Variants in GFM1 observed in about 807,000 individuals in gnomAD.
GFM1 encodes the protein G elongation factor mitochondrial 1, also known as elongation factor G, mitochondrial.
In GFM1, 62 loss-of-function variants were observed where a neutral mutation model predicts 96.2. That is an observed-to-expected ratio of 0.64 (90% CI 0.53 to 0.80). GFM1 has a LOEUF of 0.80. GFM1 is among the 30% of genes least tolerant of loss of function. The pLI, the probability that GFM1 is intolerant of heterozygous loss-of-function variation, is 0.00. For synonymous variants in GFM1, 282 were observed against 312.9 expected (o/e 0.90, Z 1.04); for missense variants, 852 against 916.6 (o/e 0.93, Z 0.91).
intron 8 of GFM1, chr3:158,656,109 A>T (rs2108027656): frequency 3.6e-6 from 1 of 279,772 alleles, no homozygotes; most frequent in African/African-American, 2.2e-5. Flanking sequence ...TATCCAAGGT[A>T]CAGACTTGCA....
At chr3:158,672,656 G>C in intron 13 of GFM1, 1 of 661,504 alleles carries the variant, frequency 1.5e-6, no homozygotes, top group South Asian at 1.8e-5. Flanking sequence ...TTTGGGCCCA[G>C]GCTCCCTGCA....
intron 8 of GFM1, among the ~76,000 whole-genome samples, chr3:158,655,172 A>G (rs1722639890): frequency 1.3e-5 from 2 of 152,184 alleles, no homozygotes; most frequent in African/African-American, 4.8e-5. Flanking sequence ...ATGCCCAGCC[A>G]GTCGCAGTGG....
Position 158,684,663 on chromosome 3 carries a change from A to G in GFM1, c.1904A>G (p.Lys635Arg). 6.2e-7 allele frequency: 1 copy of G among 1,614,066 alleles called. No homozygotes were observed. Among genetic ancestry groups the G allele is most frequent in the Non-Finnish European group, 8.5e-7 (1 of 1,179,966 alleles). The change falls in exon 15 of 18, where the codon AAA (lysine) becomes AGA (arginine). Residue 635 changes from lysine (K) to arginine (R), a missense_variant. Transcript: ENST00000486715. ...ATCCGAGCAGGAGAAGGTGCTCTTAAACAAGGTATGCTGGGTCCGGGCACC... is the reference window on the plus strand; with the variant it reads ...ATCCGAGCAGGAGAAGGTGCTCTTAGACAAGGTATGCTGGGTCCGGGCACC... The part of the protein sequence containing the change: ...SFIRAGEGAL[K>R]QALANATLCI...
At position 158,660,917 on chromosome 3, in the gene GFM1, G is replaced by T. The variant is rs761644418; in HGVS notation, c.1265G>T (p.Gly422Val). ...VYAGDICALFGIDCASGDTFT... is the reference protein window; with the variant it reads ...VYAGDICALFVIDCASGDTFT... ...GCCGGAGACATCTGTGCATTGTTTG[G>T]CATTGACTGTGCTAGTGGAGACACA... Residue 422 changes from glycine (G) to valine (V), a missense_variant, in exon 10 of 18, where the codon GGC becomes GTC. Physicochemically the swap from Gly to Val is moderately radical, Grantham distance 109 (BLOSUM62 -3). Transcript: ENST00000486715. 2.5e-6 allele frequency: 4 copies of T among 1,613,876 alleles called. No individual in the cohort carries two copies. In the African/African-American group the frequency reaches 5.3e-5, roughly 22 times the overall value.
Position 158,682,078 on chromosome 3 carries a change from A to G in GFM1, c.1685A>G (p.Glu562Gly). The G allele has an allele frequency of 6.2e-7, 1 of 1,613,580 alleles. No individual in the cohort carries two copies. Among genetic ancestry groups the G allele is most frequent in the Non-Finnish European group, 8.5e-7 (1 of 1,179,598 alleles). ...GGTGTCCTGGAGCCTCTGGACCCAGAGGACTACACTAAATTGGAATTTTCA... is the reference window on the plus strand; with the variant it reads ...GGTGTCCTGGAGCCTCTGGACCCAGGGGACTACACTAAATTGGAATTTTCA... ...VIGVLEPLDP[E>G]DYTKLEFSDE... The change falls in exon 14 of 18, where the codon GAG becomes GGG. Residue 562 changes from glutamate (E) to glycine (G), a missense_variant. By Grantham distance (98) the Glu-to-Gly change is moderately conservative. Coordinates refer to ENST00000486715, the MANE Select transcript of GFM1 (RefSeq NM_024996.7).
At chr3:158,662,141 T>G (rs1723247175) in intron 10 of GFM1, among the ~76,000 whole-genome samples, 1 of 152,166 alleles carries the variant, frequency 6.6e-6, no homozygotes, top group Non-Finnish European at 1.5e-5. Flanking sequence ...TTCCAAGCCT[T>G]TAGTGACTGC....
intron 5 of GFM1, among the ~76,000 whole-genome samples, chr3:158,651,316 T>C (rs1420671969): frequency 1.3e-5 from 2 of 152,186 alleles, no homozygotes; most frequent in Admixed American, 1.3e-4. Context: ...GAGATTGTTA[T>C]GTTGTGATTA....
At chr3:158,672,911 A>C (rs1724496895) in intron 13 of GFM1, among the ~76,000 whole-genome samples, 1 of 152,164 alleles carries the variant, frequency 6.6e-6, no homozygotes. Flanking sequence ...TGAAGACTCT[A>C]GTTTCCTGTC....
At chr3:158,681,951 T>G (rs1238341215) in intron 13 of GFM1, 44 bp from the exon 14 acceptor site, 1 of 1,497,416 alleles carries the variant, frequency 6.7e-7, no homozygotes, top group African/African-American at 1.5e-5. Flanking sequence ...TTTTATTTTG[T>G]AATTACATAA....
At chr3:158,644,996 T>A in intron 1 of GFM1, 1 of 416,614 alleles carries the variant, frequency 2.4e-6, no homozygotes, top group East Asian at 4.2e-5. Context: ...TTTTTTTTTT[T>A]TTGCCTCTCT....
chr3:158,659,139 T>G, intron 9 of GFM1, 80 bp downstream of exon 9: 1 of 1,477,012 alleles, frequency 6.8e-7, no homozygotes, highest in Non-Finnish European at 9.4e-7. Context: ...TGAGCCCCAC[T>G]AGAAAATTAA....
intron 13 of GFM1, chr3:158,670,829 G>C (rs1167673177): frequency 2.4e-6 from 3 of 1,247,062 alleles, no homozygotes; most frequent in African/African-American, 1.6e-5. Flanking sequence ...GCTATTTGGG[G>C]AGGCTGAGGT....
intron 5 of GFM1, among the ~76,000 whole-genome samples, chr3:158,651,437 T>G (rs1357427255): frequency 6.6e-6 from 1 of 151,818 alleles, no homozygotes; most frequent in East Asian, 1.9e-4. Flanking sequence ...CAAATTACTT[T>G]GCCTGTGTAA....
intron 5 of GFM1, chr3:158,650,103 C>CT (rs757178755): frequency 1.4e-6 from 2 of 1,455,120 alleles, no homozygotes; most frequent in South Asian, 2.4e-5. Flanking sequence ...TAGAATTTAT[C>CT]TTCATCAGCC....
At chr3:158,666,082 A>G (rs1723648175) in intron 12 of GFM1, among the ~76,000 whole-genome samples, 1 of 152,182 alleles carries the variant, frequency 6.6e-6, no homozygotes, top group Non-Finnish European at 1.5e-5. Flanking sequence ...TTGGAGGTAA[A>G]TATAAATTAA....
rs564879457 is a variant in GFM1 at position 158,644,569 on chromosome 3, C to T, written c.-66C>T. On this transcript the variant is annotated 5_prime_UTR_variant, in exon 1 of 18. Coordinates refer to ENST00000486715, the MANE Select transcript of GFM1 (RefSeq NM_024996.7). ...TGCCGGCGTGACTTTGACCGCTTCC[C>T]GGTGCGTTACCGGCAGCTGAACCCA... The T allele has an allele frequency of 2.5e-4, 337 of 1,346,208 alleles. 1 individual carries two copies. In the South Asian group the frequency reaches 2.7e-3, roughly 11 times the overall value. 83.4% of individuals were successfully genotyped at this position (1,346,208 alleles called of 1,614,324 possible).
intron 13 of GFM1, among the ~76,000 whole-genome samples, chr3:158,668,641 G>GT (rs1430263849): frequency 6.6e-6 from 1 of 152,342 alleles, no homozygotes; most frequent in Non-Finnish European, 1.5e-5. Flanking sequence ...AACAGGAAGT[G>GT]TTTCACTGAA....
chr3:158,680,956 C>G (rs1292569727), intron 13 of GFM1, among the ~76,000 whole-genome samples: 1 of 152,122 alleles, frequency 6.6e-6, no homozygotes, highest in Non-Finnish European at 1.5e-5. Context: ...ATAGACATCA[C>G]AGATCTAGAG....
chr3:158,668,385 TC>T (rs1723924012), intron 13 of GFM1, among the ~76,000 whole-genome samples: 1 of 152,042 alleles, frequency 6.6e-6, no homozygotes, highest in African/African-American at 2.4e-5. Context: ...TCCATTTTTT[TC>T]CCCCAAATAT....
Sources: allele counts gnomAD v4.1 joint callset (sites outside exome capture counted in the v4.1 genomes callset), GRCh38; gene constraint gnomAD v4.1.1; transcripts MANE v1.5; gene names NCBI Gene and HGNC (gene_info 2026-07-23, HGNC 2026-07-21).